Variants in PPP1R7 observed in about 807,000 individuals in gnomAD.
The protein encoded by PPP1R7 is protein phosphatase 1 regulatory subunit 22.
PPP1R7 carries 18 observed loss-of-function variants against 45.2 expected under a neutral mutation model. The ratio of observed to expected loss-of-function variants is 0.40; its 90% CI spans 0.28 to 0.59. PPP1R7 has a LOEUF of 0.59. Among genes scored for constraint, PPP1R7 ranks in the 20% least tolerant of loss-of-function variants. The pLI is 0.46. For synonymous variants in PPP1R7, 181 were observed against 183.4 expected (o/e 0.99, Z 0.11); for missense variants, 314 against 455.8 (o/e 0.69, Z 2.83).
intron 4 of PPP1R7, 48 bp from the exon 5 acceptor site, chr2:241,159,165 G>C: frequency 6.3e-7 from 1 of 1,599,286 alleles, no homozygotes; most frequent in Non-Finnish European, 8.5e-7. Flanking sequence ...AGGCCTTCTC[G>C]TGGCCTCCCC....
At chr2:241,164,361 T>C (rs2067661458) in intron 7 of PPP1R7, among the ~76,000 whole-genome samples, 1 of 152,236 alleles carries the variant, frequency 6.6e-6, no homozygotes, top group South Asian at 2.1e-4. Context: ...GCACAGAGAA[T>C]ATCAACCCTG....
At chr2:241,175,970 G>T (rs541991623) in intron 9 of PPP1R7, among the ~76,000 whole-genome samples, 1 of 152,292 alleles carries the variant, frequency 6.6e-6, no homozygotes, top group African/African-American at 2.4e-5. Context: ...CAGAGACGGG[G>T]TTTCACCATG....
intron 9 of PPP1R7, among the ~76,000 whole-genome samples, chr2:241,176,087 A>G (rs2067903033): frequency 6.6e-6 from 1 of 152,092 alleles, no homozygotes; most frequent in African/African-American, 2.4e-5. Context: ...CCATTTTAAA[A>G]TCTTTTGTAG....
Position 241,157,818 on chromosome 2 carries a change from C to A in PPP1R7, c.193C>A (p.Leu65Met). ...TCTTATTTTTTCAGAAGAACATGAGCTGCCTGTGGACATGGAAACCATCAA... is the reference window on the plus strand; with the variant it reads ...TCTTATTTTTTCAGAAGAACATGAGATGCCTGTGGACATGGAAACCATCAA... ...GEEDPEEEHE[L>M]PVDMETINLD... Residue 65 changes from leucine (L) to methionine (M), a missense_variant, in exon 3 of 10, where the codon CTG becomes ATG. Physicochemically the swap from Leu to Met is conservative, Grantham distance 15. Coordinates refer to ENST00000234038, the MANE Select transcript of PPP1R7 (RefSeq NM_002712.3). 5 of 1,613,884 alleles carry A rather than the reference C, an allele frequency of 3.1e-6. No individual in the cohort carries two copies. Among genetic ancestry groups the A allele is most frequent in the Non-Finnish European group, 4.2e-6 (5 of 1,179,766 alleles).
intron 9 of PPP1R7, among the ~76,000 whole-genome samples, chr2:241,174,291 T>C (rs948883441): frequency 3.7e-4 from 56 of 152,180 alleles, no homozygotes; most frequent in Non-Finnish European, 7.4e-5. Context: ...CTGCTATGGG[T>C]GAGCTCTGGG....
At chr2:241,181,442 G>T (rs975592727) in intron 9 of PPP1R7, among the ~76,000 whole-genome samples, 2 of 151,942 alleles carry the variant, frequency 1.3e-5, no homozygotes, top group Non-Finnish European at 2.9e-5. Flanking sequence ...CGCGAGCCCC[G>T]TGATCACCCC....
intron 7 of PPP1R7, among the ~76,000 whole-genome samples, chr2:241,165,424 C>A (rs2067683283): frequency 6.6e-6 from 1 of 152,160 alleles, no homozygotes; most frequent in Non-Finnish European, 1.5e-5. Flanking sequence ...GCCTTGGCCT[C>A]CCAAAGTGCT....
rs2068041684 is a variant in PPP1R7 at position 241,183,318 on chromosome 2, T to G, written c.*495T>G. 3.5e-5 allele frequency: 15 copies of G among 431,412 alleles called. No individual in the cohort carries two copies. Among genetic ancestry groups the G allele is most frequent in the South Asian group, 2.5e-4 (15 of 58,990 alleles). 26.7% of individuals were successfully genotyped at this position (431,412 alleles called of 1,614,324 possible). A position where few individuals can be genotyped will look rare whatever the true frequency, so the allele number is the denominator to read the frequency against. On this transcript the variant is annotated 3_prime_UTR_variant, in exon 10 of 10. Transcript: ENST00000234038. ...CCAGCCATTTTCAATTTTTTAAAAA[T>G]TAGGTAAGTTAAAAAAGCTGGGTAA... is the stretch of plus-strand genomic sequence containing the variant.
chr2:241,159,452 C>A, intron 5 of PPP1R7, 109 bp downstream of exon 5: 1 of 1,387,336 alleles, frequency 7.2e-7, no homozygotes, highest in Admixed American at 2.2e-5. Flanking sequence ...TGAGAGGCTG[C>A]CTCTGCCACA....
chr2:241,150,224 C>G (rs561142620), upstream of PPP1R7: 1 of 1,279,298 alleles, frequency 7.8e-7, no homozygotes, highest in South Asian at 2.6e-5. Flanking sequence ...CGGCTCTGTG[C>G]GTCCCGCTTC....
intron 9 of PPP1R7, among the ~76,000 whole-genome samples, chr2:241,173,565 T>G (rs12053217): frequency 0.067 from 10,138 of 152,310 alleles, 974 homozygotes; most frequent in East Asian, 0.46. Context: ...TTCTGTGATG[T>G]GTCAGGGTTA....
chr2:241,149,939 G>C (rs1234792672), upstream of PPP1R7: 1 of 1,428,948 alleles, frequency 7.0e-7, no homozygotes, highest in African/African-American at 1.4e-5. Context: ...CGAGCGTCAA[G>C]AGAAGGCGGC....
chr2:241,158,955 C>T, intron 4 of PPP1R7: 1 of 476,328 alleles, frequency 2.1e-6, no homozygotes, highest in Non-Finnish European at 3.8e-6. Context: ...GCCTCCCTCC[C>T]CAACTGGCCT....
intron 5 of PPP1R7, 98 bp from the exon 6 acceptor site, chr2:241,160,234 T>A: frequency 1.1e-6 from 1 of 902,526 alleles, no homozygotes; most frequent in Non-Finnish European, 1.6e-6. Flanking sequence ...GTGACTGCCG[T>A]CCCCTGATGG....
Position 241,182,863 on chromosome 2 carries a change from A to T in PPP1R7, c.*40A>T, listed in dbSNP as rs1239225145. ...CTCATGTGGTCCCTCTCCTCGGAAG[A>T]ACTGCCCAGCCACGGGTTTTTAACC... is the stretch of plus-strand genomic sequence containing the variant. On this transcript the variant is annotated 3_prime_UTR_variant, in exon 10 of 10. Transcript: ENST00000234038. 6.3e-7 allele frequency: 1 copy of T among 1,589,566 alleles called. No homozygotes were observed. Among genetic ancestry groups the T allele is most frequent in the Non-Finnish European group, 8.6e-7 (1 of 1,161,560 alleles).
At chr2:241,167,307 A>C in intron 8 of PPP1R7, 1 of 407,462 alleles carries the variant, frequency 2.5e-6, no homozygotes. Context: ...AGTAAATTTC[A>C]CCAACACCTG....
At chr2:241,158,359 T>G in intron 3 of PPP1R7, 125 bp from the exon 4 acceptor site, 1 of 813,860 alleles carries the variant, frequency 1.2e-6, no homozygotes, top group Non-Finnish European at 2.1e-6. Flanking sequence ...CTGACATCTG[T>G]CTGCTGCAGA....
chr2:241,159,353 G>A lies in PPP1R7; in HGVS notation c.434+10G>A. ...CGCTAACAGAGCTGGAGTGAGTCAT[G>A]AGACCCACAGGAGAACAGCATGGTG... On this transcript the variant is annotated intron_variant, in intron 5 of 9. Transcript: ENST00000234038. 2 of 1,611,660 alleles carry A rather than the reference G, an allele frequency of 1.2e-6. No homozygotes were observed. The highest frequency in any genetic ancestry group is 1.7e-6 in the Non-Finnish European group (2 of 1,178,574).
At chr2:241,158,287 G>T (rs1036778798) in intron 3 of PPP1R7, among the ~76,000 whole-genome samples, 197 bp from the exon 4 acceptor site, 1 of 152,152 alleles carries the variant, frequency 6.6e-6, no homozygotes, top group African/African-American at 2.4e-5. Flanking sequence ...CATTTTAAGG[G>T]CCAGTTTTAC....
Sources: allele counts gnomAD v4.1 joint callset (sites outside exome capture counted in the v4.1 genomes callset), GRCh38; gene constraint gnomAD v4.1.1; transcripts MANE v1.5; gene names NCBI Gene and HGNC (gene_info 2026-07-23, HGNC 2026-07-21).